The following BFSP1 variants were observed in gnomAD, a reference collection of about 807,000 sequenced individuals.
The protein encoded by BFSP1 is filensin.
Under a neutral mutation model 43.9 loss-of-function variants are expected in BFSP1, and 38 were observed. The ratio of observed to expected loss-of-function variants is 0.87; its 90% CI spans 0.67 to 1.14. The LOEUF is 1.14. Among genes scored for constraint, BFSP1 ranks in the 50% most tolerant of loss-of-function variants. The pLI, the probability that BFSP1 is intolerant of heterozygous loss-of-function variation, is 0.00. For synonymous variants in BFSP1, 352 were observed against 354.8 expected (o/e 0.99, Z 0.09); for missense variants, 850 against 875.1 (o/e 0.97, Z 0.36).
intron 1 of BFSP1, among the ~76,000 whole-genome samples, chr20:17,540,590 T>C (rs113003197): frequency 2.4e-3 from 358 of 152,212 alleles, no homozygotes; most frequent in African/African-American, 8.4e-3. Context: ...CTGATAGCAA[T>C]GCTGGGCATC....
chr20:17,520,213 C>CA (rs554924216), intron 2 of BFSP1, among the ~76,000 whole-genome samples: 2,187 of 140,182 alleles, frequency 0.016, 57 homozygotes, highest in African/African-American at 0.053. Context: ...TTAACGTGCC[C>CA]CCCCACCCCG....
intron 7 of BFSP1, 57 bp downstream of exon 7, chr20:17,496,881 C>T: frequency 7.2e-7 from 1 of 1,380,434 alleles, no homozygotes; most frequent in Non-Finnish European, 9.8e-7. Context: ...AGGAAGAGAG[C>T]CGCTTGGTTT....
At chr20:17,543,998 G>T (rs191470557) in intron 1 of BFSP1, among the ~76,000 whole-genome samples, 86 of 152,248 alleles carry the variant, frequency 5.6e-4, no homozygotes, top group Non-Finnish European at 6.0e-4. Context: ...TTTGCACATG[G>T]TCTATGTTTA....
At position 17,527,509 on chromosome 20, in the gene BFSP1, C is replaced by T. The variant is rs1206508364; in HGVS notation, c.378-2601G>A. Among the ~76,000 whole-genome samples, 4 of 152,062 alleles carry T rather than the reference C, an allele frequency of 2.6e-5. 1 individual carries two copies. In the East Asian group the frequency reaches 5.8e-4, roughly 22 times the overall value. On this transcript the variant is annotated intron_variant, in intron 1 of 7. Transcript: ENST00000377873. ...TTAGGAGGCCGAGGCGGGCAGATCA[C>T]GAGGTCAGGAGATCGAGACCATCCT...
chr20:17,550,506 C>T (rs945162634), intron 1 of BFSP1, among the ~76,000 whole-genome samples: 17 of 150,458 alleles, frequency 1.1e-4, no homozygotes, highest in African/African-American at 3.9e-4. Flanking sequence ...CTCTTATCTC[C>T]CAGGCTGGAG....
upstream of BFSP1, among the ~76,000 whole-genome samples, chr20:17,561,963 C>T (rs111497896): frequency 6.6e-6 from 1 of 151,940 alleles, no homozygotes; most frequent in African/African-American, 2.4e-5. Context: ...CACTGTCACC[C>T]AGGCTGGAGT....
intron 4 of BFSP1, among the ~76,000 whole-genome samples, chr20:17,510,252 C>T (rs548951950): frequency 4.6e-5 from 7 of 152,208 alleles, no homozygotes; most frequent in East Asian, 1.9e-4. Flanking sequence ...CGATGCTGAT[C>T]GATGACATCA....
At chr20:17,559,621 C>T (rs1289626840), upstream of BFSP1, among the ~76,000 whole-genome samples, 1 of 152,138 alleles carries the variant, frequency 6.6e-6, no homozygotes, top group East Asian at 1.9e-4. Context: ...GTTAGGAATG[C>T]GGCGAGTGAG....
At chr20:17,534,348 T>C (rs1159302362), upstream of BFSP1, among the ~76,000 whole-genome samples, 1 of 152,218 alleles carries the variant, frequency 6.6e-6, no homozygotes, top group Non-Finnish European at 1.5e-5. Context: ...GTAAGTGATT[T>C]AACCTATCTA....
intron 1 of BFSP1, among the ~76,000 whole-genome samples, chr20:17,545,727 C>A (rs1242717767): frequency 6.6e-6 from 1 of 152,226 alleles, no homozygotes; most frequent in African/African-American, 2.4e-5. Context: ...ATACCAATAA[C>A]AAGATATGCT....
upstream of BFSP1, among the ~76,000 whole-genome samples, chr20:17,533,402 G>A (rs1396585454): frequency 6.6e-6 from 1 of 152,140 alleles, no homozygotes; most frequent in Non-Finnish European, 1.5e-5. Context: ...GTCAAATATT[G>A]CTACAGAACA....
chr20:17,507,601 T>C lies in BFSP1; in HGVS notation c.735+1288A>G, dbSNP rs187937353. On this transcript the variant is annotated intron_variant, in intron 5 of 7. Transcript: ENST00000377873. This position sits in a 1 kb window ranked among gnomAD's most constrained non-coding sequence, Gnocchi z 4.4. ...ATGACACACACACACCACACACACT[T>C]CACATACACATCCCACATATATCAC... is the stretch of plus-strand genomic sequence containing the variant. Among the ~76,000 whole-genome samples the C allele has an allele frequency of 1.6e-3, 241 of 151,584 alleles. No individual in the cohort carries two copies. Among genetic ancestry groups the C allele is most frequent in the Middle Eastern group, 3.4e-3 (1 of 294 alleles).
Position 17,494,548 on chromosome 20 carries a change from G to A in BFSP1, c.1524C>T (p.Gly508=), listed in dbSNP as rs377040876. 6 of 1,614,062 alleles carry A rather than the reference G, an allele frequency of 3.7e-6. No homozygotes were observed. In the African/African-American group the frequency reaches 6.7e-5, roughly 18 times the overall value. Residue 508 remains glycine (G), a synonymous_variant, in exon 8 of 8, where the codon GGC becomes GGT. Transcript: ENST00000377873. ...GTGACTCAGGAGAGGGCTCCACCTG[G>A]CCGTCATAAAGCACAGAGTCTTCCG... ...SVAEDSVLYD[G]QVEPSPESPK...
intron 5 of BFSP1, 98 bp from the exon 6 acceptor site, chr20:17,499,138 T>G (rs763159320): frequency 2.6e-5 from 27 of 1,049,090 alleles, no homozygotes; most frequent in Non-Finnish European, 3.2e-5. Context: ...GAATGTTTTA[T>G]GTTGTTTGTG....
At chr20:17,534,523 G>T (rs112465490), upstream of BFSP1, among the ~76,000 whole-genome samples, 1 of 152,132 alleles carries the variant, frequency 6.6e-6, no homozygotes, top group Non-Finnish European at 1.5e-5. Context: ...AGAAATACAC[G>T]TCTTTTATCT....
chr20:17,548,186 A>AG (rs1286333415), intron 1 of BFSP1, among the ~76,000 whole-genome samples: 1 of 73,804 alleles, frequency 1.4e-5, no homozygotes, highest in Non-Finnish European at 3.4e-5. Flanking sequence ...AATGCAAAAA[A>AG]AAAAAAAAAA....
At chr20:17,544,695 C>T (rs1000278700) in intron 1 of BFSP1, among the ~76,000 whole-genome samples, 1 of 152,104 alleles carries the variant, frequency 6.6e-6, no homozygotes, top group Admixed American at 6.6e-5. Flanking sequence ...TGTTTTGAAC[C>T]TCTTACCACC....
upstream of BFSP1, among the ~76,000 whole-genome samples, chr20:17,535,007 T>C (rs2034604316): frequency 6.6e-6 from 1 of 151,760 alleles, no homozygotes; most frequent in South Asian, 2.1e-4. Context: ...GGTGACAGAG[T>C]GAGACTCCAT....
chr20:17,525,632 C>G lies in BFSP1; in HGVS notation c.378-724G>C, dbSNP rs1468906687. Among the ~76,000 whole-genome samples the G allele has an allele frequency of 3.3e-5, 5 of 152,210 alleles. No homozygotes were observed. Among genetic ancestry groups the G allele is most frequent in the Non-Finnish European group, 5.9e-5 (4 of 68,044 alleles). Reference sequence around the variant, plus strand: ...CTCCTTTTCTGCTCGGCTGGGACAACTGAGGCACGTCCCTCTGGGGGAATT... The same window carrying G: ...CTCCTTTTCTGCTCGGCTGGGACAAGTGAGGCACGTCCCTCTGGGGGAATT... On this transcript the variant is annotated intron_variant, in intron 1 of 7. Coordinates refer to ENST00000377873, the MANE Select transcript of BFSP1 (RefSeq NM_001195.5). The surrounding 1 kb of genome is among the most constrained non-coding windows in gnomAD (Gnocchi z 4.2).
Sources: gnomAD v4.1 joint callset for allele counts (sites outside exome capture counted in the v4.1 genomes callset) on GRCh38, gnomAD v4.1.1 for gene constraint, Gnocchi (gnomAD v3.1) non-coding constraint, MANE v1.5 for transcripts, NCBI Gene and HGNC (gene_info 2026-07-23, HGNC 2026-07-21) for gene names.